The following GPC6 variants were observed in gnomAD, a reference collection of about 807,000 sequenced individuals.
GPC6 encodes the protein glypican 6.
Under a neutral mutation model 55.2 loss-of-function variants are expected in GPC6, and 14 were observed. That is an observed-to-expected ratio of 0.25 (90% CI 0.17 to 0.40). The LOEUF is 0.40. Among genes scored for constraint, GPC6 ranks in the 10% least tolerant of loss-of-function variants. The probability of loss-of-function intolerance (pLI) is 1.00; values close to 1 mark genes in which losing one functional copy is unlikely to be tolerated. For synonymous variants in GPC6, 278 were observed against 259.6 expected (o/e 1.07, Z -0.68); for missense variants, 641 against 708.5 (o/e 0.90, Z 1.08).
At chr13:94,195,836 T>C (rs1207547358) in intron 4 of GPC6, among the ~76,000 whole-genome samples, 3 of 152,164 alleles carry the variant, frequency 2.0e-5, no homozygotes, top group African/African-American at 7.2e-5. Flanking sequence ...ACATAAAGAC[T>C]GTAGTTTACG....
intron 2 of GPC6, among the ~76,000 whole-genome samples, chr13:93,672,680 C>A (rs938289496): frequency 1.4e-5 from 2 of 147,734 alleles, no homozygotes; most frequent in Admixed American, 6.8e-5. Flanking sequence ...CACACACAAA[C>A]ATATATATAT....
At chr13:93,561,703 C>G (rs1004325159) in intron 2 of GPC6, among the ~76,000 whole-genome samples, 3 of 151,966 alleles carry the variant, frequency 2.0e-5, no homozygotes, top group Non-Finnish European at 2.9e-5. Flanking sequence ...TCCCCCAACC[C>G]CCAGTTGGAG....
At chr13:94,390,246 T>C (rs1227745158) in intron 7 of GPC6, among the ~76,000 whole-genome samples, 1 of 152,168 alleles carries the variant, frequency 6.6e-6, no homozygotes, top group Non-Finnish European at 1.5e-5. Flanking sequence ...GAGGACAATA[T>C]TGTTTTAACC....
chr13:93,463,896 A>C (rs1878805829), intron 1 of GPC6, among the ~76,000 whole-genome samples: 2 of 152,120 alleles, frequency 1.3e-5, no homozygotes, highest in African/African-American at 2.4e-5. Context: ...ATTTCTGCTT[A>C]ATTGTAATGA....
intron 1 of GPC6, among the ~76,000 whole-genome samples, chr13:93,401,681 T>C (rs1220625548): frequency 1.5e-5 from 2 of 129,322 alleles, no homozygotes; most frequent in Non-Finnish European, 3.2e-5. Context: ...GTCTTCTTCA[T>C]GAATGGACTT....
intron 1 of GPC6, among the ~76,000 whole-genome samples, chr13:93,471,408 TA>T (rs1879110426): frequency 1.3e-5 from 2 of 149,984 alleles, no homozygotes; most frequent in African/African-American, 4.9e-5. Flanking sequence ...CGGGTGCCTG[TA>T]GTCCCAGCTA....
intron 4 of GPC6, among the ~76,000 whole-genome samples, chr13:94,155,147 C>A (rs1312280700): frequency 6.6e-6 from 1 of 152,166 alleles, no homozygotes; most frequent in Non-Finnish European, 1.5e-5. Context: ...TTCCACAAAT[C>A]CACCTACCTA....
chr13:94,398,778 G>A (rs1429707083), intron 8 of GPC6, 137 bp downstream of exon 8: 1 of 762,306 alleles, frequency 1.3e-6, no homozygotes, highest in East Asian at 2.7e-5. Context: ...TCTTGTTATA[G>A]TCTTTTGGAC....
intron 4 of GPC6, among the ~76,000 whole-genome samples, chr13:94,243,822 A>G (rs998985987): frequency 6.6e-6 from 1 of 152,086 alleles, no homozygotes; most frequent in African/African-American, 2.4e-5. Context: ...ACCTCAGAAC[A>G]CTATTTAGCC....
intron 2 of GPC6, among the ~76,000 whole-genome samples, chr13:93,818,221 G>A (rs375432080): frequency 3.3e-5 from 5 of 151,226 alleles, no homozygotes; most frequent in African/African-American, 1.2e-4. Context: ...CTCTCATAAT[G>A]TTCTACTTAC....
chr13:94,019,682 A>G (rs1427769771), intron 3 of GPC6, among the ~76,000 whole-genome samples: 2 of 152,180 alleles, frequency 1.3e-5, no homozygotes, highest in Non-Finnish European at 2.9e-5. Flanking sequence ...CTAATGAAGT[A>G]CGATCTTATC....
chr13:93,561,141 A>G (rs559253332), intron 2 of GPC6, among the ~76,000 whole-genome samples: 5 of 152,116 alleles, frequency 3.3e-5, no homozygotes, highest in Non-Finnish European at 7.4e-5. Context: ...ATTTCTTGCC[A>G]TTTAAACAAA....
chr13:93,319,940 T>A (rs971997869), intron 1 of GPC6, among the ~76,000 whole-genome samples: 1 of 152,024 alleles, frequency 6.6e-6, no homozygotes, highest in Admixed American at 6.6e-5. Context: ...CGCAAAACAA[T>A]AGCTGTTTGA....
chr13:93,371,847 C>A (rs1171326671), intron 1 of GPC6, among the ~76,000 whole-genome samples: 2 of 152,028 alleles, frequency 1.3e-5, no homozygotes, highest in African/African-American at 4.8e-5. Context: ...GGAATAGAGA[C>A]CTCAGTAAAT....
intron 3 of GPC6, among the ~76,000 whole-genome samples, chr13:93,885,183 G>T (rs1431707826): frequency 6.6e-6 from 1 of 151,870 alleles, no homozygotes; most frequent in Admixed American, 6.6e-5. Context: ...GAGCCATTCT[G>T]CAGGGCAATT....
At chr13:93,366,876 C>A (rs1269356466) in intron 1 of GPC6, among the ~76,000 whole-genome samples, 1 of 152,066 alleles carries the variant, frequency 6.6e-6, no homozygotes, top group Non-Finnish European at 1.5e-5. Flanking sequence ...AGCATTTATT[C>A]TAAACTCCTA....
rs1881041766 is a variant in GPC6 at position 93,664,221 on chromosome 13, A to G, written c.319+118800A>G. ...TTTAATAAGGTAGGGAGCAATTCTC[A>G]AACTCCATATATAGTAATCACCTGC... is the stretch of plus-strand genomic sequence containing the variant. On this transcript the variant is annotated intron_variant, in intron 2 of 8. Coordinates refer to ENST00000377047, the MANE Select transcript of GPC6 (RefSeq NM_005708.5). Among the ~76,000 whole-genome samples, 4 of 152,330 alleles carry G rather than the reference A, an allele frequency of 2.6e-5. 1 individual carries two copies. In the South Asian group the frequency reaches 8.3e-4, roughly 32 times the overall value.
intron 3 of GPC6, among the ~76,000 whole-genome samples, chr13:93,886,749 A>ATTTTTTTTT (rs34726181): frequency 1.5e-5 from 2 of 135,334 alleles, no homozygotes; most frequent in African/African-American, 2.7e-5. Context: ...AGCATCTGTC[A>ATTTTTTTTT]TTTTTTTTTT....
upstream of GPC6, among the ~76,000 whole-genome samples, chr13:93,225,389 C>T (rs2138992405): frequency 6.6e-6 from 1 of 152,172 alleles, no homozygotes. Flanking sequence ...TAAGATCTGC[C>T]AGTTAGCATA....
Sources: allele counts gnomAD v4.1 joint callset (sites outside exome capture counted in the v4.1 genomes callset), GRCh38; gene constraint gnomAD v4.1.1; transcripts MANE v1.5; gene names NCBI Gene and HGNC (gene_info 2026-07-23, HGNC 2026-07-21).